The following CUL1 variants were observed in gnomAD, a reference collection of about 807,000 sequenced individuals.
The protein encoded by CUL1 is cullin-1.
Under a neutral mutation model 118.0 loss-of-function variants are expected in CUL1, and 24 were observed. The observed-to-expected ratio is 0.20, with a 90% CI of 0.15 to 0.29. The LOEUF is 0.29. CUL1 is among the 10% of genes least tolerant of loss of function. The pLI, the probability that CUL1 is intolerant of heterozygous loss-of-function variation, is 1.00. For synonymous variants in CUL1, 332 were observed against 340.4 expected (o/e 0.98, Z 0.27); for missense variants, 361 against 933.8 (o/e 0.39, Z 7.99).
chr7:148,719,529 C>T (rs1413271382), intron 1 of CUL1, among the ~76,000 whole-genome samples: 2 of 152,096 alleles, frequency 1.3e-5, no homozygotes, highest in Non-Finnish European at 1.5e-5. Context: ...ATTAGATAAT[C>T]CTTCTTGGTA....
At chr7:148,719,194 C>A (rs896213290) in intron 1 of CUL1, among the ~76,000 whole-genome samples, 2 of 152,030 alleles carry the variant, frequency 1.3e-5, no homozygotes, top group African/African-American at 4.8e-5. Flanking sequence ...ACCTATAGTC[C>A]CAGCTACTCG....
In CUL1 at chr7:148,792,767, G is replaced by A. The variant is rs750807801; in HGVS notation, c.1848G>A (p.Thr616=). ...TGGCTATCCTGCTTCAGTACAACAC[G>A]GAAGATGCCTACACTGTGCAGCAGC... ...FQMAILLQYN[T]EDAYTVQQLT... Residue 616 remains threonine (T), a synonymous_variant, in exon 17 of 22, where the codon ACG becomes ACA. Transcript: ENST00000325222. 9 of 1,613,438 alleles carry A rather than the reference G, an allele frequency of 5.6e-6. No individual in the cohort carries two copies. Among genetic ancestry groups the A allele is most frequent in the South Asian group, 4.4e-5 (4 of 90,798 alleles).
intron 2 of CUL1, among the ~76,000 whole-genome samples, chr7:148,733,017 C>T (rs1798814156): frequency 6.6e-6 from 1 of 152,134 alleles, no homozygotes; most frequent in Non-Finnish European, 1.5e-5. Context: ...TAAGCCTTAT[C>T]TCACCGCGGG....
At chr7:148,792,880 GT>G in intron 17 of CUL1, 62 bp downstream of exon 17, 1 of 1,224,234 alleles carries the variant, frequency 8.2e-7, no homozygotes. Flanking sequence ...CGTGGATATT[GT>G]TAGGAAAGAT....
chr7:148,792,109 C>G (rs921034860), intron 16 of CUL1, among the ~76,000 whole-genome samples: 3 of 152,002 alleles, frequency 2.0e-5, no homozygotes, highest in Admixed American at 6.5e-5. Context: ...TCCCTTGAAC[C>G]TGGGAGGCGG....
intron 4 of CUL1, among the ~76,000 whole-genome samples, chr7:148,757,770 G>A (rs1201069736): frequency 6.6e-6 from 1 of 152,174 alleles, no homozygotes; most frequent in African/African-American, 2.4e-5. Context: ...TGGCTGGGAA[G>A]GCCTCACAAC....
chr7:148,731,460 G>A (rs908688808), intron 2 of CUL1, among the ~76,000 whole-genome samples: 3 of 152,184 alleles, frequency 2.0e-5, no homozygotes, highest in East Asian at 3.8e-4. Flanking sequence ...AGCATAAAAT[G>A]TGTGTTTGCA....
rs758169754 is a variant in CUL1 at position 148,760,472 on chromosome 7, C to T, written c.765C>T (p.Asn255=). The T allele has an allele frequency of 6.8e-6, 11 of 1,609,060 alleles. No homozygotes were observed. The South Asian group carries it at 1.2e-4, about 18-fold the overall frequency. The change falls in exon 7 of 22, where the codon AAC becomes AAT. Residue 255 remains asparagine, a synonymous_variant. Transcript: ENST00000325222. ...TRESTEFLQQ[N]PVTEYMKKAE... ...AGAGTACTGAATTCTTGCAGCAGAA[C>T]CCAGTTACTGAATATATGAAAAAGG... is the stretch of plus-strand genomic sequence containing the variant.
At chr7:148,763,678 T>C (rs1430162584) in intron 7 of CUL1, among the ~76,000 whole-genome samples, 1 of 152,242 alleles carries the variant, frequency 6.6e-6, no homozygotes, top group Non-Finnish European at 1.5e-5. Context: ...GCAAAGCTAA[T>C]GTATTTGGTA....
At chr7:148,762,934 G>A (rs1031536862) in intron 7 of CUL1, among the ~76,000 whole-genome samples, 10 of 152,308 alleles carry the variant, frequency 6.6e-5, no homozygotes, top group Admixed American at 3.9e-4. Flanking sequence ...ATTGCCTGAG[G>A]TCGGGAGTTC....
chr7:148,789,628 T>G (rs1800940120), intron 14 of CUL1, 122 bp from the exon 15 acceptor site: 1 of 752,668 alleles, frequency 1.3e-6, no homozygotes, highest in Non-Finnish European at 2.2e-6. Context: ...AGCAGGATTT[T>G]TATTTAATGT....
At chr7:148,774,925 C>T (rs780371612) in intron 9 of CUL1, among the ~76,000 whole-genome samples, 9 of 152,204 alleles carry the variant, frequency 5.9e-5, no homozygotes, top group Non-Finnish European at 1.3e-4. Flanking sequence ...TGGTATAATA[C>T]TTACAAAAGG....
Position 148,800,391 on chromosome 7 carries a change from G to C in CUL1, c.2251-111G>C, listed in dbSNP as rs917222523. On this transcript the variant is annotated intron_variant, in intron 21 of 21. Transcript: ENST00000325222. This position sits in a 1 kb window ranked among gnomAD's most constrained non-coding sequence, Gnocchi z 4.6. ...TGGGGCGGGGACACTGCTCCCCACT[G>C]AGCTCCGAATCAGGGGAGATTTGTG... 15 of 821,858 alleles carry C rather than the reference G, an allele frequency of 1.8e-5. No individual in the cohort carries two copies. In the East Asian group the frequency reaches 3.9e-4, roughly 21 times the overall value. 50.9% of individuals were successfully genotyped at this position (821,858 alleles called of 1,614,324 possible). A position where few individuals can be genotyped will look rare whatever the true frequency, so the allele number is the denominator to read the frequency against.
chr7:148,702,914 T>C (rs1318205329), intron 1 of CUL1, among the ~76,000 whole-genome samples: 1 of 152,220 alleles, frequency 6.6e-6, no homozygotes, highest in African/African-American at 2.4e-5. Context: ...TGCATCAACA[T>C]TCACATACAT....
intron 9 of CUL1, among the ~76,000 whole-genome samples, chr7:148,768,736 C>T (rs537824631): frequency 1.2e-4 from 18 of 152,146 alleles, no homozygotes; most frequent in Non-Finnish European, 7.4e-5. Flanking sequence ...ATGCAGAAAG[C>T]TTCTCTTGTT....
At chr7:148,759,503 CAT>C in intron 5 of CUL1, 43 bp from the exon 6 acceptor site, 1 of 1,373,288 alleles carries the variant, frequency 7.3e-7, no homozygotes, top group Non-Finnish European at 1.0e-6. Flanking sequence ...TAATATATAT[CAT>C]ATTCTATAAC....
At chr7:148,712,157 G>C (rs1228557659) in intron 1 of CUL1, among the ~76,000 whole-genome samples, 1 of 152,210 alleles carries the variant, frequency 6.6e-6, no homozygotes, top group African/African-American at 2.4e-5. Flanking sequence ...TTTGGATGCT[G>C]ATGTGCAGTG....
rs1488729163 is a variant in CUL1, at chr7:148,776,084, T to G, written c.1084-7699T>G. On this transcript the variant is annotated intron_variant, in intron 9 of 21. Coordinates refer to ENST00000325222, the MANE Select transcript of CUL1 (RefSeq NM_003592.3). ...CTAATTTGTCAGATGTCATAATTCG[T>G]CAGTCCTACCCTTTTCTACAGGCTG... Among the ~76,000 whole-genome samples, 4 of 151,944 alleles carry G rather than the reference T, an allele frequency of 2.6e-5. No individual in the cohort carries two copies. In the South Asian group the frequency reaches 6.2e-4, roughly 24 times the overall value.
intron 7 of CUL1, among the ~76,000 whole-genome samples, chr7:148,760,907 G>A (rs1026244640): frequency 6.6e-6 from 1 of 152,174 alleles, no homozygotes; most frequent in Non-Finnish European, 1.5e-5. Context: ...TTATATTAGA[G>A]GAAAAGTTCT....
Sources: allele counts gnomAD v4.1 joint callset (sites outside exome capture counted in the v4.1 genomes callset), GRCh38; gene constraint gnomAD v4.1.1; non-coding constraint Gnocchi (gnomAD v3.1); transcripts MANE v1.5; gene names NCBI Gene and HGNC (gene_info 2026-07-23, HGNC 2026-07-21).